UVRAG: variants seen among roughly 807,000 people sequenced by gnomAD.
UVRAG encodes the protein UV radiation resistance-associated gene protein.
A neutral mutation model predicts 78.0 loss-of-function variants in UVRAG; 19 were observed. The ratio of observed to expected loss-of-function variants is 0.24; its 90% CI spans 0.17 to 0.36. The LOEUF (loss-of-function observed/expected upper bound fraction) is 0.36, where lower values mean the gene tolerates loss of function less well. Ranked by LOEUF, UVRAG falls within the 10% of genes least tolerant of loss-of-function variation. The pLI is 1.00. For missense variants in UVRAG, 740 were observed against 853.8 expected (o/e 0.87, Z 1.66); for synonymous variants, 323 against 324.6 (o/e 1.00, Z 0.05).
At position 76,105,421 on chromosome 11, in the gene UVRAG, C is replaced by T. The variant is rs150525198; in HGVS notation, c.1306-10503C>T. ...CCTTGTCTTAAAAAAATAAAAAGCT[C>T]AATATTATTAGTCATTAGGAACATG... On this transcript the variant is annotated intron_variant, in intron 13 of 14. Transcript: ENST00000356136. 7.7e-3 allele frequency among the ~76,000 whole-genome samples: 1,164 copies of T among 151,764 alleles called. 5 individuals are homozygous for T. Among genetic ancestry groups the T allele is most frequent in the Non-Finnish European group, 0.011 (764 of 67,910 alleles).
At chr11:76,073,620 G>A (rs2134396674) in intron 13 of UVRAG, among the ~76,000 whole-genome samples, 1 of 152,220 alleles carries the variant, frequency 6.6e-6, no homozygotes, top group African/African-American at 2.4e-5. Context: ...ATGAGCCAAT[G>A]TTTTCCAAAT....
intron 13 of UVRAG, among the ~76,000 whole-genome samples, chr11:76,067,862 A>G (rs1223495708): frequency 6.6e-6 from 1 of 152,212 alleles, no homozygotes; most frequent in Non-Finnish European, 1.5e-5. Context: ...TAGATACTAC[A>G]GGATCCAGTT....
chr11:76,060,699 A>G (rs1164960694), intron 12 of UVRAG, among the ~76,000 whole-genome samples: 1 of 152,196 alleles, frequency 6.6e-6, no homozygotes, highest in Non-Finnish European at 1.5e-5. Flanking sequence ...TGAGGGGCTT[A>G]GCACCCGGGC....
At chr11:76,071,618 T>G (rs1182540813) in intron 13 of UVRAG, among the ~76,000 whole-genome samples, 1 of 152,198 alleles carries the variant, frequency 6.6e-6, no homozygotes, top group Non-Finnish European at 1.5e-5. Context: ...CTAGCTACTT[T>G]AATGGATTGC....
chr11:76,036,662 C>G (rs1311379820), intron 12 of UVRAG, among the ~76,000 whole-genome samples: 1 of 151,214 alleles, frequency 6.6e-6, no homozygotes, highest in Admixed American at 6.6e-5. Flanking sequence ...CAACATATAT[C>G]TAAGGGGAAT....
At chr11:76,017,017 C>T (rs747087557) in intron 12 of UVRAG, 37 bp downstream of exon 12, 2 of 1,495,184 alleles carry the variant, frequency 1.3e-6, no homozygotes, top group Non-Finnish European at 1.8e-6. Flanking sequence ...ATTTTAACAT[C>T]AAGCCAGTAT....
chr11:75,911,682 T>G, intron 5 of UVRAG: 1 of 271,908 alleles, frequency 3.7e-6, no homozygotes, highest in Non-Finnish European at 6.9e-6. Context: ...GGCACTGTGG[T>G]GGGAGGGAAG....
intron 12 of UVRAG, among the ~76,000 whole-genome samples, chr11:76,060,647 C>CCGCACTCGGAGTGGCCG (rs1951067847): frequency 6.6e-6 from 1 of 152,202 alleles, no homozygotes; most frequent in African/African-American, 2.4e-5. Flanking sequence ...TTTGGCGGCC[C>CCGCACTCGGAGTGGCCG]CGCACTCGGA....
At chr11:75,888,698 C>A in intron 4 of UVRAG, 131 bp from the exon 5 acceptor site, 1 of 635,890 alleles carries the variant, frequency 1.6e-6, no homozygotes. Flanking sequence ...TGGTTTTCTG[C>A]TAGTATGTTT....
chr11:75,844,461 G>A lies in UVRAG; in HGVS notation c.118-7422G>A, dbSNP rs897786668. Among the ~76,000 whole-genome samples the A allele has an allele frequency of 3.3e-5, 5 of 151,966 alleles. 1 individual carries two copies. In the South Asian group the frequency reaches 8.3e-4, roughly 25 times the overall value. ...CAGATGGTCTTGATCTCCTGACCTC[G>A]TGATCTGCCTGCCTCGGCCTCCCAA... is the stretch of plus-strand genomic sequence containing the variant. On this transcript the variant is annotated intron_variant, in intron 1 of 14. Transcript: ENST00000356136.
At chr11:75,878,203 C>CTGCACTCTGGGCACTTTGGGAGGCCAA (rs1427327992) in intron 3 of UVRAG, among the ~76,000 whole-genome samples, 1 of 151,346 alleles carries the variant, frequency 6.6e-6, no homozygotes. Context: ...CGGGCAGAGG[C>CTGCACTCTGGGCACTTTGGGAGGCCAA]GCTCCTTACA....
At chr11:76,139,824 A>G (rs1221826643) in intron 14 of UVRAG, among the ~76,000 whole-genome samples, 3 of 152,120 alleles carry the variant, frequency 2.0e-5, no homozygotes, top group Non-Finnish European at 4.4e-5. Context: ...ATTACTTCAG[A>G]AATTATAAAG....
rs191743024 is a variant in UVRAG at position 75,873,437 on chromosome 11, C to T, written c.271-6442C>T. On this transcript the variant is annotated intron_variant, in intron 3 of 14. Transcript: ENST00000356136. Reference sequence around the variant, plus strand: ...ACAATAGCAAAAAAAGCCCCATCCTCGCAGTCGGTGGCAGGCAGAGAAGGC... The same window carrying T: ...ACAATAGCAAAAAAAGCCCCATCCTTGCAGTCGGTGGCAGGCAGAGAAGGC... 5.7e-4 allele frequency among the ~76,000 whole-genome samples: 87 copies of T among 152,140 alleles called. 1 individual carries two copies. In the South Asian group the frequency reaches 0.01, roughly 18 times the overall value.
chr11:75,932,587 A>T (rs1424502738), intron 6 of UVRAG, among the ~76,000 whole-genome samples: 1 of 152,142 alleles, frequency 6.6e-6, no homozygotes, highest in Non-Finnish European at 1.5e-5. Flanking sequence ...CCTGGCCCAG[A>T]TGATATGATC....
intron 13 of UVRAG, among the ~76,000 whole-genome samples, chr11:76,103,800 T>C (rs1413761170): frequency 6.6e-6 from 1 of 152,074 alleles, no homozygotes; most frequent in East Asian, 1.9e-4. Flanking sequence ...TGGAGGGAGT[T>C]CTGAGACACA....
intron 5 of UVRAG, among the ~76,000 whole-genome samples, chr11:75,909,936 C>T (rs564560180): frequency 2.0e-5 from 3 of 152,198 alleles, no homozygotes; most frequent in East Asian, 1.9e-4. Context: ...TTCCCTTCTC[C>T]GCTTTCTGAA....
intron 13 of UVRAG, among the ~76,000 whole-genome samples, chr11:76,101,300 A>C (rs563212422): frequency 1.1e-3 from 162 of 152,176 alleles, no homozygotes; most frequent in Middle Eastern, 6.8e-3. Flanking sequence ...GACTGGTATG[A>C]GATGGTATCT....
rs139109130 is a variant in UVRAG at position 75,888,948 on chromosome 11, G to A, written c.507+45G>A. 3.8e-4 allele frequency: 581 copies of A among 1,518,678 alleles called. 3 individuals carry two copies. The African/African-American group carries it at 6.8e-3, about 18-fold the overall frequency. The allele number at this position is 1,518,678 out of a possible 1,614,324, so 94.1% of individuals were successfully genotyped here. ...GTTATGAATTTTGTTTAGTGCAGGT[G>A]TGCCTTGCAGGTGTACAGGGTAGAT... On this transcript the variant is annotated intron_variant, in intron 5 of 14. Coordinates refer to ENST00000356136, the MANE Select transcript of UVRAG (RefSeq NM_003369.4).
chr11:76,062,288 C>G (rs1486087555), intron 12 of UVRAG, among the ~76,000 whole-genome samples: 3 of 152,078 alleles, frequency 2.0e-5, no homozygotes, highest in Non-Finnish European at 2.9e-5. Context: ...AACTTAGGTC[C>G]CAAGGATTAG....
Sources: gnomAD v4.1 joint callset for allele counts (sites outside exome capture counted in the v4.1 genomes callset) on GRCh38, gnomAD v4.1.1 for gene constraint, MANE v1.5 for transcripts, NCBI Gene and HGNC (gene_info 2026-07-23, HGNC 2026-07-21) for gene names.